ATP8A2: variants seen among roughly 807,000 people sequenced by gnomAD.
ATP8A2 encodes ATPase phospholipid transporting 8A2.
Under a neutral mutation model 165.6 loss-of-function variants are expected in ATP8A2, and 100 were observed. That is an observed-to-expected ratio of 0.60 (90% CI 0.51 to 0.71). The LOEUF (loss-of-function observed/expected upper bound fraction) is 0.71. Among genes scored for constraint, ATP8A2 ranks in the 30% least tolerant of loss-of-function variants. ATP8A2 has a pLI of 0.00. For synonymous variants in ATP8A2, 543 were observed against 548.8 expected (o/e 0.99, Z 0.15); for missense variants, 1,227 against 1,479.5 (o/e 0.83, Z 2.80).
chr13:25,564,924 TAGTTTAG>T (rs2039266475), intron 16 of ATP8A2, among the ~76,000 whole-genome samples: 3 of 146,158 alleles, frequency 2.1e-5, no homozygotes, highest in Admixed American at 2.0e-4. Context: ...TGCGTCCTCA[TAGTTTAG>T]CTCCCACATT....
At chr13:25,687,854 T>A (rs1233058891) in intron 24 of ATP8A2, among the ~76,000 whole-genome samples, 1 of 152,178 alleles carries the variant, frequency 6.6e-6, no homozygotes, top group African/African-American at 2.4e-5. Flanking sequence ...ACTGGCTGGG[T>A]CCTTGTTCCA....
intron 1 of ATP8A2, among the ~76,000 whole-genome samples, chr13:25,379,519 T>G (rs1297017575): frequency 3.3e-5 from 5 of 152,348 alleles, no homozygotes; most frequent in African/African-American, 1.2e-4. Context: ...TACTGCACCA[T>G]GGGATCAGGC....
At position 25,713,324 on chromosome 13, in the gene ATP8A2, G is replaced by A. The variant is rs142248118; in HGVS notation, c.2384+13979G>A. Among the ~76,000 whole-genome samples the A allele has an allele frequency of 7.6e-3, 1,153 of 152,236 alleles. 13 individuals carry two copies. Among genetic ancestry groups the A allele is most frequent in the African/African-American group, 0.026 (1,094 of 41,542 alleles). On this transcript the variant is annotated intron_variant, in intron 25 of 36. Coordinates refer to ENST00000381655, the MANE Select transcript of ATP8A2 (RefSeq NM_016529.6). ...ATAGGGCTAAGAGGCAAGTTTTATT[G>A]ATTTAGAATTTTTCACCAGTTTATA...
rs1593613485 is a variant in ATP8A2 at position 25,597,235 on chromosome 13, G to A, written c.2211+7536G>A. The stretch of plus-strand genomic sequence containing the variant: ...GTCTTGCCTATCCATTTTCTTACCA[G>A]TGTTAGGGAAAATAGACCCTAGGCT... On this transcript the variant is annotated intron_variant, in intron 24 of 36. Transcript: ENST00000381655. Among the ~76,000 whole-genome samples the A allele has an allele frequency of 2.0e-5, 3 of 151,854 alleles. No homozygotes were observed. In the East Asian group the frequency reaches 5.8e-4, roughly 29 times the overall value.
At chr13:25,630,277 T>C (rs1253981093) in intron 24 of ATP8A2, among the ~76,000 whole-genome samples, 1 of 152,170 alleles carries the variant, frequency 6.6e-6, no homozygotes, top group East Asian at 1.9e-4. Context: ...AATGCATTCA[T>C]AGAACAATTT....
intron 25 of ATP8A2, among the ~76,000 whole-genome samples, chr13:25,729,218 T>G (rs2043561330): frequency 6.6e-6 from 1 of 152,232 alleles, no homozygotes; most frequent in African/African-American, 2.4e-5. Flanking sequence ...ATTTTTTCAT[T>G]TTAGGACTAC....
At chr13:26,014,500 C>G (rs1371369838) in intron 36 of ATP8A2, among the ~76,000 whole-genome samples, 1 of 152,100 alleles carries the variant, frequency 6.6e-6, no homozygotes, top group Non-Finnish European at 1.5e-5. Flanking sequence ...ATCTCGTTGT[C>G]TGGATGAGAT....
chr13:25,728,582 A>G (rs1034154548), intron 25 of ATP8A2, among the ~76,000 whole-genome samples: 3 of 152,190 alleles, frequency 2.0e-5, no homozygotes, highest in African/African-American at 7.2e-5. Flanking sequence ...GTCTTAGAGA[A>G]AAAATGGACT....
chr13:25,998,289 G>T (rs1290677598), intron 35 of ATP8A2, among the ~76,000 whole-genome samples: 1 of 152,138 alleles, frequency 6.6e-6, no homozygotes, highest in African/African-American at 2.4e-5. Context: ...GTCCTTATTG[G>T]CTGGCAGGGA....
At chr13:25,585,382 G>A (rs756514342) in intron 23 of ATP8A2, among the ~76,000 whole-genome samples, 1 of 151,980 alleles carries the variant, frequency 6.6e-6, no homozygotes, top group African/African-American at 2.4e-5. Context: ...TGGAGTTTTC[G>A]CAGTCTGTAA....
intron 1 of ATP8A2, among the ~76,000 whole-genome samples, chr13:25,377,919 G>A (rs933449198): frequency 1.3e-5 from 2 of 152,168 alleles, no homozygotes; most frequent in African/African-American, 2.4e-5. Context: ...AGGAGTTCGA[G>A]ACCAGCCTGT....
intron 35 of ATP8A2, among the ~76,000 whole-genome samples, chr13:26,010,043 G>T (rs185586770): frequency 1.2e-4 from 18 of 152,262 alleles, no homozygotes; most frequent in Non-Finnish European, 2.9e-5. Context: ...TCCAGCCTGG[G>T]CAACAAGCAA....
intron 33 of ATP8A2, among the ~76,000 whole-genome samples, chr13:25,891,618 C>T (rs901647686): frequency 6.6e-6 from 1 of 152,144 alleles, no homozygotes; most frequent in Non-Finnish European, 1.5e-5. Context: ...GCCACTGTGC[C>T]CGGCCAGATC....
intron 24 of ATP8A2, among the ~76,000 whole-genome samples, chr13:25,661,158 A>C (rs1334272190): frequency 1.3e-5 from 2 of 152,190 alleles, no homozygotes; most frequent in Non-Finnish European, 2.9e-5. Flanking sequence ...TTGAAGCTCA[A>C]GGATATTGTG....
chr13:25,450,587 A>G (rs2035190110), intron 1 of ATP8A2, among the ~76,000 whole-genome samples: 1 of 152,128 alleles, frequency 6.6e-6, no homozygotes, highest in Non-Finnish European at 1.5e-5. Flanking sequence ...GCTGGAGTGC[A>G]GTGGTGTGAT....
At chr13:25,407,143 T>C (rs1196623185) in intron 1 of ATP8A2, among the ~76,000 whole-genome samples, 2 of 152,216 alleles carry the variant, frequency 1.3e-5, no homozygotes, top group Non-Finnish European at 2.9e-5. Context: ...CAAGGTTTCA[T>C]GAAAGAAAAG....
At position 25,533,966 on chromosome 13, in the gene ATP8A2, G is replaced by A. The variant is rs190579679; in HGVS notation, c.507+653G>A. On this transcript the variant is annotated intron_variant, in intron 6 of 36. Coordinates refer to ENST00000381655, the MANE Select transcript of ATP8A2 (RefSeq NM_016529.6). ...ATGGACACAAGATGTGTTGGGGGATGACTCTCATTAGTCCAGCATTCAAAG... is the reference window on the plus strand; with the variant it reads ...ATGGACACAAGATGTGTTGGGGGATAACTCTCATTAGTCCAGCATTCAAAG... 7.2e-5 allele frequency among the ~76,000 whole-genome samples: 11 copies of A among 152,292 alleles called. No homozygotes were observed. In the East Asian group the frequency reaches 2.1e-3, roughly 29 times the overall value.
chr13:25,456,000 C>A (rs1430465730), intron 1 of ATP8A2, among the ~76,000 whole-genome samples: 1 of 152,156 alleles, frequency 6.6e-6, no homozygotes, highest in Non-Finnish European at 1.5e-5. Flanking sequence ...GTGTGTCTAT[C>A]TGGCTATGGG....
At chr13:25,904,454 C>T (rs1054666271) in intron 33 of ATP8A2, among the ~76,000 whole-genome samples, 1 of 152,212 alleles carries the variant, frequency 6.6e-6, no homozygotes, top group African/African-American at 2.4e-5. Flanking sequence ...AACCCGCACC[C>T]GTTGCCCCAG....
Sources: allele counts gnomAD v4.1 joint callset (sites outside exome capture counted in the v4.1 genomes callset), GRCh38; gene constraint gnomAD v4.1.1; transcripts MANE v1.5; gene names NCBI Gene and HGNC (gene_info 2026-07-23, HGNC 2026-07-21).